Variants in GNA14 observed in about 807,000 individuals in gnomAD.
GNA14 encodes guanine nucleotide-binding protein subunit alpha-14.
Under a neutral mutation model 42.0 loss-of-function variants are expected in GNA14, and 50 were observed. The observed-to-expected ratio is 1.19, with a 90% confidence interval of 0.95 to 1.51. The LOEUF is 1.51. GNA14 is among the 40% of genes most tolerant of loss of function. GNA14 has a pLI of 0.00. For missense variants in GNA14, 473 were observed against 446.2 expected (o/e 1.06, Z -0.54); for synonymous variants, 173 against 163.1 (o/e 1.06, Z -0.46).
Position 77,634,486 on chromosome 9 carries a change from AG to A in GNA14, c.124+13183del, listed in dbSNP as rs1323830188. 4.3e-3 allele frequency among the ~76,000 whole-genome samples: 647 copies of A among 150,424 alleles called. 2 individuals are homozygous for A. Among genetic ancestry groups the A allele is most frequent in the Non-Finnish European group, 6.5e-3 (438 of 67,538 alleles). ...AAGGAAGGAGGGAAGGAAGGAAGGA[AG>A]GAAGGAAGGGAGTGAGGGACAGAGG... On this transcript the variant is annotated intron_variant, in intron 1 of 6. Transcript: ENST00000341700.
intron 1 of GNA14, 50 bp downstream of exon 1, chr9:77,647,620 C>T (rs1195447767): frequency 3.8e-6 from 6 of 1,581,300 alleles, no homozygotes; most frequent in Non-Finnish European, 5.2e-6. Flanking sequence ...GCCGGGAGGG[C>T]TCGGAAGAAA....
chr9:77,491,965 G>A (rs1836783773), intron 2 of GNA14, among the ~76,000 whole-genome samples: 1 of 152,098 alleles, frequency 6.6e-6, no homozygotes, highest in Admixed American at 6.5e-5. Flanking sequence ...CATCTTTTCT[G>A]ACCATGATGG....
At chr9:77,620,920 A>T (rs947076856) in intron 1 of GNA14, among the ~76,000 whole-genome samples, 4 of 151,160 alleles carry the variant, frequency 2.6e-5, no homozygotes, top group African/African-American at 9.7e-5. Flanking sequence ...AAAATTTTTT[A>T]AAATGACTTT....
chr9:77,630,842 C>T (rs777183952), intron 1 of GNA14, among the ~76,000 whole-genome samples: 15 of 152,090 alleles, frequency 9.9e-5, no homozygotes, highest in Non-Finnish European at 1.9e-4. Context: ...CAGTTGTATC[C>T]CCTTACAGTA....
At chr9:77,460,914 C>T (rs897863305) in intron 2 of GNA14, among the ~76,000 whole-genome samples, 4 of 152,204 alleles carry the variant, frequency 2.6e-5, no homozygotes, top group South Asian at 4.1e-4. Context: ...CAGGTCTCAC[C>T]GAAAAACCAA....
chr9:77,611,490 C>T (rs1219304987), intron 1 of GNA14, among the ~76,000 whole-genome samples: 1 of 152,140 alleles, frequency 6.6e-6, no homozygotes, highest in African/African-American at 2.4e-5. Context: ...TGTTTGCTAT[C>T]CCAACATCTT....
At chr9:77,628,771 AAACCATAAAAACCCTAG>A (rs768338231) in intron 1 of GNA14, among the ~76,000 whole-genome samples, 2 of 152,212 alleles carry the variant, frequency 1.3e-5, no homozygotes, top group Non-Finnish European at 2.9e-5. Context: ...ATAAGACCTA[AAACCATAAAAACCCTAG>A]AAGAAAACCT....
intron 1 of GNA14, among the ~76,000 whole-genome samples, chr9:77,562,380 A>G (rs772332622): frequency 5.9e-5 from 9 of 152,280 alleles, no homozygotes; most frequent in Middle Eastern, 3.4e-3. Context: ...GAACACTTAC[A>G]GGGACAGAAC....
intron 1 of GNA14, among the ~76,000 whole-genome samples, chr9:77,579,830 T>C (rs1402193995): frequency 3.3e-5 from 5 of 152,346 alleles, no homozygotes; most frequent in Non-Finnish European, 5.9e-5. Context: ...TTTTACACTT[T>C]CCAGTGATGC....
At chr9:77,511,467 AAC>A (rs1250616402) in intron 2 of GNA14, among the ~76,000 whole-genome samples, 1 of 152,228 alleles carries the variant, frequency 6.6e-6, no homozygotes, top group Non-Finnish European at 1.5e-5. Context: ...TGGGAAGCGT[AAC>A]ACATGTGTGT....
At chr9:77,433,523 C>T (rs564472578) in intron 3 of GNA14, among the ~76,000 whole-genome samples, 82 of 151,996 alleles carry the variant, frequency 5.4e-4, no homozygotes, top group Admixed American at 1.1e-3. Context: ...AGCAGCTGCC[C>T]AGCTAATTTT....
intron 1 of GNA14, among the ~76,000 whole-genome samples, chr9:77,623,648 C>G (rs1823969606): frequency 1.3e-5 from 2 of 152,258 alleles, no homozygotes; most frequent in East Asian, 3.9e-4. Context: ...GGCGTTGCCT[C>G]ACCTGGGAAG....
chr9:77,566,972 T>A (rs1246606897), intron 1 of GNA14, among the ~76,000 whole-genome samples: 2 of 152,222 alleles, frequency 1.3e-5, no homozygotes, highest in African/African-American at 2.4e-5. Context: ...CCCAAAGCTC[T>A]ATTTTCCCAA....
At chr9:77,460,133 A>C (rs1836078515) in intron 2 of GNA14, among the ~76,000 whole-genome samples, 4 of 152,202 alleles carry the variant, frequency 2.6e-5, no homozygotes, top group Admixed American at 2.6e-4. Context: ...GAACCTCGGA[A>C]TTTAACCTTA....
chr9:77,577,680 G>A (rs1252972093), intron 1 of GNA14, among the ~76,000 whole-genome samples: 1 of 152,166 alleles, frequency 6.6e-6, no homozygotes, highest in Admixed American at 6.5e-5. Context: ...TAAACACTCT[G>A]AGAATCTTCC....
intron 1 of GNA14, among the ~76,000 whole-genome samples, chr9:77,634,966 G>A (rs1369810560): frequency 3.3e-5 from 5 of 151,376 alleles, no homozygotes; most frequent in Admixed American, 1.3e-4. Flanking sequence ...TCAGACATTG[G>A]AGCATATAAT....
intron 1 of GNA14, among the ~76,000 whole-genome samples, chr9:77,621,000 C>A (rs1350950126): frequency 2.0e-5 from 3 of 152,000 alleles, no homozygotes; most frequent in Non-Finnish European, 1.5e-5. Context: ...GTGGCACGAT[C>A]TCAGCTCACT....
chr9:77,424,238 T>G (rs1324873497), intron 6 of GNA14, 69 bp from the exon 7 acceptor site: 5 of 1,121,442 alleles, frequency 4.5e-6, no homozygotes, highest in Non-Finnish European at 6.4e-6. Flanking sequence ...GAACCTTTTT[T>G]TTGAGACAGA....
chr9:77,480,550 A>G (rs1836525142), intron 2 of GNA14, among the ~76,000 whole-genome samples: 1 of 152,200 alleles, frequency 6.6e-6, no homozygotes, highest in East Asian at 1.9e-4. Flanking sequence ...TATCAGGATG[A>G]TGCTGGCCTC....
Sources: allele counts gnomAD v4.1 joint callset (sites outside exome capture counted in the v4.1 genomes callset), GRCh38; gene constraint gnomAD v4.1.1; transcripts MANE v1.5; gene names NCBI Gene and HGNC (gene_info 2026-07-23, HGNC 2026-07-21).